The following RPRD1B variants were observed in gnomAD, a reference collection of about 807,000 sequenced individuals.
RPRD1B encodes regulation of nuclear pre-mRNA domain-containing protein 1B.
In RPRD1B, 11 loss-of-function variants were observed where a neutral mutation model predicts 41.5. The ratio of observed to expected loss-of-function variants is 0.27; its 90% CI spans 0.17 to 0.44. The LOEUF (loss-of-function observed/expected upper bound fraction) is 0.44, where lower values mean the gene tolerates loss of function less well. Ranked by LOEUF, RPRD1B falls within the 20% of genes least tolerant of loss-of-function variation. The pLI is 1.00. For missense variants in RPRD1B, 248 were observed against 389.9 expected, an observed-to-expected ratio of 0.64 and a Z score of 3.06; for synonymous variants, 158 against 155.6, an observed-to-expected ratio of 1.02 and a Z score of -0.12.
At chr20:38,065,188 G>T (rs1267547276) in intron 5 of RPRD1B, among the ~76,000 whole-genome samples, 1 of 152,080 alleles carries the variant, frequency 6.6e-6, no homozygotes, top group Non-Finnish European at 1.5e-5. Flanking sequence ...CACGTCCAAG[G>T]CTTACATAGT....
At chr20:38,083,464 CT>C (rs1203150560) in intron 6 of RPRD1B, among the ~76,000 whole-genome samples, 1 of 152,196 alleles carries the variant, frequency 6.6e-6, no homozygotes, top group Admixed American at 6.5e-5. Flanking sequence ...AGTATAGACA[CT>C]GACTTTTCAT....
At position 38,034,065 on chromosome 20, in the gene RPRD1B, A is replaced by G. The variant is rs1361240941; in HGVS notation, c.118A>G (p.Ile40Val). The part of the protein sequence containing the change: ...LIHHRKHAGP[I>V]VSVWHRELRK... The stretch of plus-strand genomic sequence containing the variant: ...CCACCACCGCAAGCACGCGGGACCC[A>G]TCGTCTCCGTGTGGCACCGCGAGCT... Residue 40 changes from isoleucine (I) to valine (V), a missense_variant, in exon 1 of 7, where the codon ATC (isoleucine) becomes GTC (valine). Ile to Val is a conservative substitution (Grantham distance 29, BLOSUM62 3). This residue lies in a region of RPRD1B where 47 missense variants were observed against 103.6 expected (regional missense o/e 0.45). Coordinates refer to ENST00000373433, the MANE Select transcript of RPRD1B (RefSeq NM_021215.4). The G allele has an allele frequency of 1.2e-6, 2 of 1,614,078 alleles. No individual in the cohort carries two copies. Among genetic ancestry groups the G allele is most frequent in the East Asian group, 2.2e-5 (1 of 44,850 alleles).
intron 6 of RPRD1B, among the ~76,000 whole-genome samples, chr20:38,089,511 C>G (rs1225739913): frequency 1.3e-5 from 2 of 152,194 alleles, no homozygotes; most frequent in African/African-American, 4.8e-5. Flanking sequence ...ATTTAATTCA[C>G]TGTTGCCAAT....
At chr20:38,073,043 G>A (rs995978893) in intron 6 of RPRD1B, among the ~76,000 whole-genome samples, 6 of 152,172 alleles carry the variant, frequency 3.9e-5, no homozygotes, top group African/African-American at 1.4e-4. Flanking sequence ...AGAGTCCAAG[G>A]CAGACATCTG....
intron 5 of RPRD1B, 36 bp downstream of exon 5, chr20:38,059,556 G>C: frequency 6.2e-7 from 1 of 1,608,148 alleles, no homozygotes; most frequent in Non-Finnish European, 8.5e-7. Context: ...GGTGAGGAGA[G>C]AGGGACATAA....
chr20:38,064,840 G>C (rs1393656888), intron 5 of RPRD1B, among the ~76,000 whole-genome samples: 1 of 152,074 alleles, frequency 6.6e-6, no homozygotes, highest in Non-Finnish European at 1.5e-5. Context: ...AAAAAAATTA[G>C]ACGGGCGTGG....
rs1335761345 is a variant in RPRD1B at position 38,089,721 on chromosome 20, C to G, written c.832-5C>G. On this transcript the variant is annotated splice_polypyrimidine_tract_variant and splice_region_variant and intron_variant, in intron 6 of 6. Coordinates refer to ENST00000373433, the MANE Select transcript of RPRD1B (RefSeq NM_021215.4). ...AACGGTATTGTCTTCTCTTTATCTC[C>G]TTAGGAATACAAACAGAAGCTTGCA... 6.2e-7 allele frequency: 1 copy of G among 1,612,916 alleles called. No homozygotes were observed.
At position 38,091,127 on chromosome 20, in the gene RPRD1B, G is replaced by A. The variant is rs2074608616; in HGVS notation, c.*1252G>A. Reference sequence around the variant, plus strand: ...TGCCAATTGTAAATCATTCTAATTTGGCAGGCTTATTTTTGACATTGGAAA... The same window carrying A: ...TGCCAATTGTAAATCATTCTAATTTAGCAGGCTTATTTTTGACATTGGAAA... On this transcript the variant is annotated 3_prime_UTR_variant, in exon 7 of 7. Transcript: ENST00000373433. 1.0e-6 allele frequency: 1 copy of A among 985,208 alleles called. No individual in the cohort carries two copies. The highest frequency in any genetic ancestry group is 1.7e-5 in the African/African-American group (1 of 57,164). 61.0% of individuals were successfully genotyped at this position (985,208 alleles called of 1,614,324 possible). A position where few individuals can be genotyped will look rare whatever the true frequency, so the allele number is the denominator to read the frequency against.
chr20:38,047,967 A>T (rs554881516), intron 2 of RPRD1B, among the ~76,000 whole-genome samples: 1 of 152,306 alleles, frequency 6.6e-6, no homozygotes, highest in South Asian at 2.1e-4. Context: ...CTGGTTTTTT[A>T]AAATCATTTT....
chr20:38,082,334 TA>T (rs1471837420), intron 6 of RPRD1B, among the ~76,000 whole-genome samples: 1 of 152,234 alleles, frequency 6.6e-6, no homozygotes, highest in Non-Finnish European at 1.5e-5. Flanking sequence ...CTAGGTTTTC[TA>T]GTTTGTGTGC....
At chr20:38,052,766 T>G (rs774071160) in intron 3 of RPRD1B, among the ~76,000 whole-genome samples, 44 of 149,398 alleles carry the variant, frequency 2.9e-4, no homozygotes, top group East Asian at 7.8e-4. Flanking sequence ...TTTTTTTTTT[T>G]TTTTTTTTTT....
intron 6 of RPRD1B, among the ~76,000 whole-genome samples, chr20:38,073,650 G>C (rs899100403): frequency 3.9e-5 from 6 of 152,190 alleles, no homozygotes; most frequent in Non-Finnish European, 8.8e-5. Context: ...AGTAGGGGGA[G>C]ATAGAGAGCT....
intron 2 of RPRD1B, among the ~76,000 whole-genome samples, chr20:38,044,140 G>A (rs955713366): frequency 6.6e-6 from 1 of 152,192 alleles, no homozygotes; most frequent in Non-Finnish European, 1.5e-5. Flanking sequence ...AGAGGGTGAT[G>A]TGCATGCAGT....
At chr20:38,076,843 A>G (rs1312738661) in intron 6 of RPRD1B, among the ~76,000 whole-genome samples, 3 of 147,936 alleles carry the variant, frequency 2.0e-5, no homozygotes, top group African/African-American at 7.6e-5. Context: ...ATCCTTCAAT[A>G]AGCTTTTCTC....
At chr20:38,070,647 A>C in intron 6 of RPRD1B, 7 of 985,332 alleles carry the variant, frequency 7.1e-6, no homozygotes, top group Non-Finnish European at 8.4e-6. Flanking sequence ...GTGCATGTGG[A>C]AGAGTGTGTG....
chr20:38,073,602 A>T (rs374094586), intron 6 of RPRD1B, among the ~76,000 whole-genome samples: 6 of 152,234 alleles, frequency 3.9e-5, no homozygotes, highest in African/African-American at 1.4e-4. Flanking sequence ...TGCAGGGTGC[A>T]GATGGTTAGA....
intron 4 of RPRD1B, among the ~76,000 whole-genome samples, chr20:38,058,433 T>C (rs1271043088): frequency 6.6e-6 from 1 of 152,216 alleles, no homozygotes; most frequent in Non-Finnish European, 1.5e-5. Flanking sequence ...CTTTAAAGAC[T>C]ACAGCCTAGA....
intron 3 of RPRD1B, among the ~76,000 whole-genome samples, chr20:38,055,965 GA>G (rs1446216912): frequency 2.6e-5 from 4 of 152,180 alleles, no homozygotes; most frequent in Non-Finnish European, 5.9e-5. Context: ...TTGTTTTATT[GA>G]GGGACTGGTG....
chr20:38,079,028 T>C (rs1409361883), intron 6 of RPRD1B, among the ~76,000 whole-genome samples: 1 of 152,210 alleles, frequency 6.6e-6, no homozygotes, highest in Admixed American at 6.5e-5. Context: ...GAAGATTAAG[T>C]ATTGCTCATA....
Sources: gnomAD v4.1 joint callset for allele counts (sites outside exome capture counted in the v4.1 genomes callset) on GRCh38, gnomAD v4.1.1 for gene constraint, gnomAD v4.1.1 regional missense constraint, MANE v1.5 for transcripts, NCBI Gene and HGNC (gene_info 2026-07-23, HGNC 2026-07-21) for gene names.